SNTG1: variants seen among roughly 807,000 people sequenced by gnomAD.
SNTG1 encodes syntrophin gamma 1.
In SNTG1, 39 loss-of-function variants were observed where a neutral mutation model predicts 74.7. The ratio of observed to expected loss-of-function variants is 0.52; its 90% confidence interval spans 0.40 to 0.68. The LOEUF is 0.68. Among genes scored for constraint, SNTG1 ranks in the 30% least tolerant of loss-of-function variants. The pLI is 0.00. For synonymous variants in SNTG1, 254 were observed against 217.1 expected, an observed-to-expected ratio of 1.17 and a Z score of -1.49; for missense variants, 685 against 609.5, an observed-to-expected ratio of 1.12 and a Z score of -1.30.
chr8:50,671,435 A>G (rs572528384), intron 15 of SNTG1, among the ~76,000 whole-genome samples: 3 of 150,062 alleles, frequency 2.0e-5, no homozygotes, highest in East Asian at 2.0e-4. Context: ...CAAAAGACAC[A>G]TAAAAAAATG....
chr8:50,616,253 A>G (rs1186397696), intron 13 of SNTG1, among the ~76,000 whole-genome samples: 2 of 152,242 alleles, frequency 1.3e-5, no homozygotes, highest in African/African-American at 4.8e-5. Context: ...AAGAATAATT[A>G]AAACATAAAA....
intron 9 of SNTG1, among the ~76,000 whole-genome samples, chr8:50,509,710 C>G (rs138342209): frequency 0.024 from 3,589 of 152,094 alleles, 135 homozygotes; most frequent in African/African-American, 0.079. Flanking sequence ...TGATTTGGCT[C>G]TCTGTTTGTC....
rs1554524894 is a variant in SNTG1 at position 49,938,597 on chromosome 8, C to CTTTTCTTTTCTTTT, written c.-103+26379_-103+26380insTTTTTCTTTTCTTT. Among the ~76,000 whole-genome samples the CTTTTCTTTTCTTTT allele has an allele frequency of 1.5e-3, 50 of 32,502 alleles. 8 individuals carry two copies. Among genetic ancestry groups the CTTTTCTTTTCTTTT allele is most frequent in the South Asian group, 1.9e-3 (1 of 532 alleles). 21.3% of individuals were successfully genotyped at this position (32,502 alleles called of 152,430 possible). The stretch of plus-strand genomic sequence containing the variant: ...CTTTTCTTTTCTTTTCTTTTCTTTT[C>CTTTTCTTTTCTTTT]TTTTCTTTTCTTTCTTTCTTTCTTT... On this transcript the variant is annotated intron_variant, in intron 1 of 18. Transcript: ENST00000642720.
intron 13 of SNTG1, among the ~76,000 whole-genome samples, chr8:50,611,777 T>A (rs577222013): frequency 2.0e-5 from 3 of 152,052 alleles, no homozygotes; most frequent in Admixed American, 2.0e-4. Context: ...TTTAATTTAA[T>A]TTTTTTTGAG....
At chr8:50,482,851 G>T (rs1370129962) in intron 8 of SNTG1, among the ~76,000 whole-genome samples, 1 of 152,148 alleles carries the variant, frequency 6.6e-6, no homozygotes, top group African/African-American at 2.4e-5. Context: ...TATTTAGTTT[G>T]GAGGAGAGTT....
intron 11 of SNTG1, among the ~76,000 whole-genome samples, chr8:50,551,797 C>A (rs987475831): frequency 2.0e-5 from 3 of 152,044 alleles, no homozygotes; most frequent in Admixed American, 2.0e-4. Flanking sequence ...AAGCACATCC[C>A]TTTTTTCATT....
At chr8:49,995,316 T>G (rs1323908045) in intron 1 of SNTG1, among the ~76,000 whole-genome samples, 2 of 152,174 alleles carry the variant, frequency 1.3e-5, no homozygotes, top group African/African-American at 4.8e-5. Context: ...TTTAGGTGGC[T>G]TTTTAAAAGA....
intron 12 of SNTG1, among the ~76,000 whole-genome samples, chr8:50,554,858 G>T (rs953503072): frequency 3.3e-5 from 5 of 152,006 alleles, no homozygotes; most frequent in African/African-American, 1.2e-4. Context: ...ACTTATATTT[G>T]TGAGACAAAT....
intron 2 of SNTG1, among the ~76,000 whole-genome samples, chr8:50,384,909 C>A (rs2092550026): frequency 6.6e-6 from 1 of 152,118 alleles, no homozygotes; most frequent in South Asian, 2.1e-4. Context: ...GGATGATACC[C>A]AGTTCATGAT....
intron 1 of SNTG1, among the ~76,000 whole-genome samples, chr8:49,957,953 A>G (rs966151839): frequency 1.3e-5 from 2 of 152,134 alleles, no homozygotes; most frequent in Non-Finnish European, 2.9e-5. Context: ...ACAAATAAAT[A>G]AACATTATTC....
In SNTG1 at chr8:50,704,446, C is replaced by T. The variant is rs974194537; in HGVS notation, c.1039-154C>T. On this transcript the variant is annotated intron_variant, in intron 15 of 18. Transcript: ENST00000642720. ...AGTCATGTGTTGGGGCTTTGAAGCC[C>T]GGAGTTCTGGTATAATGTCTAATGA... 1.8e-4 allele frequency: 159 copies of T among 887,644 alleles called. 1 individual carries two copies. Among genetic ancestry groups the T allele is most frequent in the Non-Finnish European group, 1.0e-4 (55 of 546,504 alleles). 55.0% of individuals were successfully genotyped at this position (887,644 alleles called of 1,614,324 possible).
intron 2 of SNTG1, among the ~76,000 whole-genome samples, chr8:50,301,906 G>T (rs2089667769): frequency 6.6e-6 from 1 of 151,464 alleles, no homozygotes; most frequent in South Asian, 2.1e-4. Flanking sequence ...GCCCAGGCTG[G>T]AGTGCAGTGG....
At chr8:50,766,857 C>T (rs982029961) in intron 18 of SNTG1, among the ~76,000 whole-genome samples, 1 of 151,808 alleles carries the variant, frequency 6.6e-6, no homozygotes, top group African/African-American at 2.4e-5. Flanking sequence ...TAAAGTGCTA[C>T]ATTTTAAAAT....
At chr8:50,736,304 C>A (rs1380009041) in intron 17 of SNTG1, among the ~76,000 whole-genome samples, 1 of 151,208 alleles carries the variant, frequency 6.6e-6, no homozygotes, top group Non-Finnish European at 1.5e-5. Flanking sequence ...GCTAAATGCC[C>A]CAATTAAAAG....
chr8:49,966,799 T>C (rs1057007710), intron 1 of SNTG1, among the ~76,000 whole-genome samples: 11 of 152,362 alleles, frequency 7.2e-5, no homozygotes, highest in African/African-American at 2.6e-4. Flanking sequence ...AGAATGGGTA[T>C]GATGACGTGT....
intron 2 of SNTG1, among the ~76,000 whole-genome samples, chr8:50,248,064 C>T (rs2086479832): frequency 6.6e-6 from 1 of 151,964 alleles, no homozygotes; most frequent in Non-Finnish European, 1.5e-5. Context: ...TTCTCTGTAC[C>T]CAAATTTCCC....
chr8:50,066,348 G>GAT lies in SNTG1; in HGVS notation c.-102-106199_-102-106198dup, dbSNP rs148754724. On this transcript the variant is annotated intron_variant, in intron 1 of 18. Coordinates refer to ENST00000642720, the MANE Select transcript of SNTG1 (RefSeq NM_018967.5). ...TTTAAGATGTACTGTGTGGTATTTT[G>GAT]ATATATATATATATAAACAATTACC... 2.4e-3 allele frequency among the ~76,000 whole-genome samples: 355 copies of GAT among 150,598 alleles called. 1 individual carries two copies. The highest frequency in any genetic ancestry group is 3.6e-3 in the African/African-American group (149 of 41,098).
At chr8:50,646,881 T>C (rs73587086) in intron 13 of SNTG1, among the ~76,000 whole-genome samples, 2,283 of 151,784 alleles carry the variant, frequency 0.015, 56 homozygotes, top group African/African-American at 0.052. Context: ...AATATCTCAA[T>C]GAAACAGAAT....
At chr8:50,000,674 C>T (rs1814661568) in intron 1 of SNTG1, among the ~76,000 whole-genome samples, 2 of 152,182 alleles carry the variant, frequency 1.3e-5, no homozygotes, top group African/African-American at 4.8e-5. Flanking sequence ...AGCTTTTACG[C>T]TCTCGTGCCC....
Sources: gnomAD v4.1 joint callset for allele counts (sites outside exome capture counted in the v4.1 genomes callset) on GRCh38, gnomAD v4.1.1 for gene constraint, MANE v1.5 for transcripts, NCBI Gene and HGNC (gene_info 2026-07-23, HGNC 2026-07-21) for gene names.